The following CRIM1 variants were observed in gnomAD, a reference collection of about 807,000 sequenced individuals.
CRIM1 encodes the protein cysteine rich transmembrane BMP regulator 1, also known as cysteine-rich motor neuron 1 protein.
A neutral mutation model predicts 116.4 loss-of-function variants in CRIM1; 32 were observed. That is an observed-to-expected ratio of 0.27 (90% confidence interval 0.21 to 0.37). CRIM1 has a LOEUF of 0.37. Ranked by LOEUF, CRIM1 falls within the 10% of genes least tolerant of loss-of-function variation. CRIM1 has a pLI of 1.00. For synonymous variants in CRIM1, 590 were observed against 509.2 expected, an observed-to-expected ratio of 1.16 and a Z score of -2.13; for missense variants, 1,331 against 1,354.8, an observed-to-expected ratio of 0.98 and a Z score of 0.28.
chr2:36,366,830 C>G (rs974338524), intron 1 of CRIM1, among the ~76,000 whole-genome samples: 24 of 152,196 alleles, frequency 1.6e-4, no homozygotes, highest in African/African-American at 4.6e-4. Flanking sequence ...CTGCGAAAGA[C>G]CTGCCAAAAT....
At chr2:36,529,115 G>A (rs1437245560) in intron 13 of CRIM1, 1 of 471,080 alleles carries the variant, frequency 2.1e-6, no homozygotes, top group Non-Finnish European at 4.4e-6. Flanking sequence ...TTTCCAGAGA[G>A]ATCCAACAGT....
chr2:36,401,281 T>C (rs1672385867), intron 2 of CRIM1, among the ~76,000 whole-genome samples: 1 of 152,182 alleles, frequency 6.6e-6, no homozygotes, highest in South Asian at 2.1e-4. Context: ...AATCAGTTTG[T>C]TAAAAATATA....
intron 1 of CRIM1, among the ~76,000 whole-genome samples, chr2:36,385,682 A>C (rs1441198475): frequency 1.3e-5 from 2 of 152,086 alleles, no homozygotes; most frequent in Non-Finnish European, 2.9e-5. Context: ...CTTTTCCCTG[A>C]TGCTCAGGTC....
At chr2:36,458,671 C>G (rs1677333498) in intron 4 of CRIM1, among the ~76,000 whole-genome samples, 1 of 152,088 alleles carries the variant, frequency 6.6e-6, no homozygotes. Flanking sequence ...GGAGGAGGAT[C>G]AGGGGAGTAA....
intron 1 of CRIM1, among the ~76,000 whole-genome samples, chr2:36,371,235 G>A (rs1308008298): frequency 6.6e-6 from 1 of 152,058 alleles, no homozygotes; most frequent in Non-Finnish European, 1.5e-5. Context: ...GCCCTGCCCA[G>A]GAAAAAGTAA....
At chr2:36,436,024 A>C (rs1450470657) in intron 2 of CRIM1, among the ~76,000 whole-genome samples, 7 of 151,962 alleles carry the variant, frequency 4.6e-5, no homozygotes, top group Admixed American at 6.5e-5. Context: ...CCATAGGGAA[A>C]GAGTTAGGAG....
At chr2:36,475,760 C>T in intron 5 of CRIM1, among the ~76,000 whole-genome samples, 1 of 152,236 alleles carries the variant, frequency 6.6e-6, no homozygotes, top group Middle Eastern at 3.4e-3. Flanking sequence ...CCGTTCTATT[C>T]CTAGTTGGTT....
intron 1 of CRIM1, among the ~76,000 whole-genome samples, chr2:36,375,339 C>T (rs1670245636): frequency 6.6e-6 from 1 of 152,198 alleles, no homozygotes; most frequent in Admixed American, 6.5e-5. Context: ...ATTATTGACT[C>T]ATATAATGCA....
At chr2:36,491,741 G>T (rs767317342) in intron 7 of CRIM1, among the ~76,000 whole-genome samples, 39 of 152,116 alleles carry the variant, frequency 2.6e-4, no homozygotes, top group Non-Finnish European at 2.4e-4. Flanking sequence ...GTAGGTTCCA[G>T]TTACCAAAAG....
At chr2:36,533,129 C>G (rs1231777720) in intron 13 of CRIM1, among the ~76,000 whole-genome samples, 1 of 152,052 alleles carries the variant, frequency 6.6e-6, no homozygotes, top group South Asian at 2.1e-4. Context: ...GCTGTTTCCC[C>G]CAAAAGACTA....
chr2:36,473,910 C>G (rs1403509435), intron 5 of CRIM1, among the ~76,000 whole-genome samples: 2 of 152,018 alleles, frequency 1.3e-5, no homozygotes, highest in Admixed American at 6.5e-5. Context: ...TATGATAACT[C>G]AAATTAAGGA....
intron 5 of CRIM1, among the ~76,000 whole-genome samples, chr2:36,467,284 G>A (rs1364927423): frequency 6.6e-6 from 1 of 152,108 alleles, no homozygotes; most frequent in Non-Finnish European, 1.5e-5. Context: ...AGGAGACTAG[G>A]AACTAATACT....
intron 6 of CRIM1, among the ~76,000 whole-genome samples, chr2:36,478,546 G>T (rs1217281271): frequency 6.6e-6 from 1 of 152,146 alleles, no homozygotes; most frequent in Non-Finnish European, 1.5e-5. Flanking sequence ...AGGTCCATTG[G>T]CCGCCTCCCT....
rs1668786807 is a variant in CRIM1 at position 36,356,279 on chromosome 2, G to A, written c.-14G>A. The A allele has an allele frequency of 1.4e-6, 2 of 1,386,770 alleles. No individual in the cohort carries two copies. Among genetic ancestry groups the A allele is most frequent in the Non-Finnish European group, 9.5e-7 (1 of 1,057,946 alleles). 85.9% of individuals were successfully genotyped at this position (1,386,770 alleles called of 1,614,324 possible). A position where few individuals can be genotyped will look rare whatever the true frequency, so the allele number is the denominator to read the frequency against. On this transcript the variant is annotated 5_prime_UTR_variant, in exon 1 of 17. Transcript: ENST00000280527. The surrounding 1 kb of genome is among the most constrained non-coding windows in gnomAD (Gnocchi z 4.3). Reference sequence around the variant, plus strand: ...GGCCCGGCTGCGAGGAGGAGGCGGCGGCGGCGCAGGAGGATGTACTTGGTG... The same window carrying A: ...GGCCCGGCTGCGAGGAGGAGGCGGCAGCGGCGCAGGAGGATGTACTTGGTG...
chr2:36,457,459 C>T (rs13010689), intron 4 of CRIM1, among the ~76,000 whole-genome samples: 2,564 of 152,164 alleles, frequency 0.017, 35 homozygotes, highest in Non-Finnish European at 0.027. Flanking sequence ...GGGATGGCTG[C>T]GGGGGGAGAG....
At chr2:36,444,541 G>A (rs1395546438) in intron 4 of CRIM1, among the ~76,000 whole-genome samples, 3 of 152,192 alleles carry the variant, frequency 2.0e-5, no homozygotes, top group Non-Finnish European at 4.4e-5. Flanking sequence ...TTACTGTGTT[G>A]ACATAATTTT....
chr2:36,359,015 G>T (rs946895123), intron 1 of CRIM1, among the ~76,000 whole-genome samples: 1 of 152,194 alleles, frequency 6.6e-6, no homozygotes, highest in Non-Finnish European at 1.5e-5. Flanking sequence ...GATGTCAGCA[G>T]TTACCTAGAA....
At chr2:36,496,630 T>A (rs1300893264) in intron 7 of CRIM1, among the ~76,000 whole-genome samples, 1 of 152,226 alleles carries the variant, frequency 6.6e-6, no homozygotes, top group Admixed American at 6.5e-5. Flanking sequence ...TATGCAATTT[T>A]ATTTGTTCAA....
At chr2:36,387,874 CATAG>C (rs998953024) in intron 1 of CRIM1, among the ~76,000 whole-genome samples, 5 of 151,154 alleles carry the variant, frequency 3.3e-5, no homozygotes, top group Non-Finnish European at 7.4e-5. Context: ...TTACTTTCTC[CATAG>C]ATTTATTATT....
Sources: allele counts gnomAD v4.1 joint callset (sites outside exome capture counted in the v4.1 genomes callset), GRCh38; gene constraint gnomAD v4.1.1; non-coding constraint Gnocchi (gnomAD v3.1); transcripts MANE v1.5; gene names NCBI Gene and HGNC (gene_info 2026-07-23, HGNC 2026-07-21).